The following CSNK2A2IP variants were observed in gnomAD, a reference collection of about 807,000 sequenced individuals.
CSNK2A2IP encodes casein kinase 2 subunit alpha' interacting protein, also known as casein kinase II subunit alpha'-interacting protein.
the CSNK2A2IP span, among the ~76,000 whole-genome samples, chr3:88,348,632 C>A: frequency 6.6e-6 from 1 of 151,936 alleles, no homozygotes; most frequent in African/African-American, 2.4e-5. Context: ...TTGGAAAATA[C>A]CATTTTAGGG....
the CSNK2A2IP span, among the ~76,000 whole-genome samples, chr3:88,436,082 G>A: frequency 5.9e-5 from 9 of 151,776 alleles, no homozygotes; most frequent in East Asian, 1.4e-3. Flanking sequence ...TGCAAGAGAA[G>A]GAAGAAAAGA....
At chr3:88,353,608 T>C in the CSNK2A2IP span, among the ~76,000 whole-genome samples, 54 of 152,324 alleles carry the variant, frequency 3.5e-4, no homozygotes, top group African/African-American at 1.2e-3. Flanking sequence ...AGGGGTTTTA[T>C]TGGATCTTAA....
At chr3:88,426,091 T>C in the CSNK2A2IP span, among the ~76,000 whole-genome samples, 1 of 152,178 alleles carries the variant, frequency 6.6e-6, no homozygotes, top group Non-Finnish European at 1.5e-5. Context: ...TAAGTAAAAA[T>C]AGTCTTTTCC....
the CSNK2A2IP span, among the ~76,000 whole-genome samples, chr3:88,358,762 G>A: frequency 6.6e-6 from 1 of 152,046 alleles, no homozygotes; most frequent in Non-Finnish European, 1.5e-5. Context: ...AATTTTGCAT[G>A]TGCGTTCATC....
the CSNK2A2IP span, among the ~76,000 whole-genome samples, chr3:88,396,910 T>G: frequency 6.6e-6 from 1 of 152,120 alleles, no homozygotes; most frequent in Non-Finnish European, 1.5e-5. Context: ...AAGAATTGGA[T>G]ATATTCAGGA....
the CSNK2A2IP span, among the ~76,000 whole-genome samples, chr3:88,462,233 T>C: frequency 6.6e-6 from 1 of 152,060 alleles, no homozygotes; most frequent in Admixed American, 6.6e-5. Flanking sequence ...CAACTCTTAA[T>C]GGCTACTACT....
chr3:88,342,013 T>C, the CSNK2A2IP span, among the ~76,000 whole-genome samples: 4 of 152,022 alleles, frequency 2.6e-5, no homozygotes, highest in African/African-American at 7.2e-5. Flanking sequence ...ATTGCTGACA[T>C]ATATACTAGT....
the CSNK2A2IP span, among the ~76,000 whole-genome samples, chr3:88,339,694 A>G: frequency 6.6e-6 from 1 of 152,228 alleles, no homozygotes; most frequent in African/African-American, 2.4e-5. Context: ...ATTCTGAAGA[A>G]AATTCTGAAT....
At chr3:88,432,897 T>G in the CSNK2A2IP span, among the ~76,000 whole-genome samples, 1 of 151,756 alleles carries the variant, frequency 6.6e-6, no homozygotes, top group South Asian at 2.1e-4. Flanking sequence ...TTAATACTAT[T>G]AAGAATAAGA....
chr3:88,362,011 T>C, the CSNK2A2IP span, among the ~76,000 whole-genome samples: 16 of 152,172 alleles, frequency 1.1e-4, 1 homozygote, highest in East Asian at 2.5e-3. Context: ...TATTTTGAAG[T>C]CTGTCGAGCT....
At chr3:88,457,718 A>G in the CSNK2A2IP span, among the ~76,000 whole-genome samples, 1 of 147,612 alleles carries the variant, frequency 6.8e-6, no homozygotes, top group Non-Finnish European at 1.5e-5. Flanking sequence ...AATAAAATAA[A>G]ATAAAATAAA....
At chr3:88,405,781 G>A in the CSNK2A2IP span, among the ~76,000 whole-genome samples, 1 of 152,046 alleles carries the variant, frequency 6.6e-6, no homozygotes. Context: ...ACTTTTCCCT[G>A]ATTTGTCCTA....
chr3:88,415,021 C>CCA, the CSNK2A2IP span, among the ~76,000 whole-genome samples: 2,246 of 148,740 alleles, frequency 0.015, 39 homozygotes, highest in African/African-American at 0.031. Flanking sequence ...TAAAAAAAAC[C>CCA]CACACACACA....
chr3:88,394,791 T>C, the CSNK2A2IP span, among the ~76,000 whole-genome samples: 1 of 152,240 alleles, frequency 6.6e-6, no homozygotes, highest in African/African-American at 2.4e-5. Context: ...GATTGGATTA[T>C]TTTCTTATTG....
the CSNK2A2IP span, among the ~76,000 whole-genome samples, chr3:88,365,025 G>A: frequency 6.6e-6 from 1 of 152,204 alleles, no homozygotes; most frequent in South Asian, 2.1e-4. Context: ...TTTAGATAAG[G>A]AAATTGAGGC....
chr3:88,349,220 AG>A, the CSNK2A2IP span, among the ~76,000 whole-genome samples: 1 of 151,984 alleles, frequency 6.6e-6, no homozygotes. Flanking sequence ...CTGAGATTTT[AG>A]TGCACCCCTC....
chr3:88,395,582 T>C, the CSNK2A2IP span, among the ~76,000 whole-genome samples: 29 of 152,210 alleles, frequency 1.9e-4, no homozygotes, highest in African/African-American at 6.8e-4. Flanking sequence ...ATTTCAGCTA[T>C]TTAAAATCTT....
chr3:88,352,359 T>A, the CSNK2A2IP span, among the ~76,000 whole-genome samples: 3 of 151,996 alleles, frequency 2.0e-5, no homozygotes, highest in Non-Finnish European at 4.4e-5. Flanking sequence ...TTTGAAAAAA[T>A]TGATTTTAAA....
the CSNK2A2IP span, among the ~76,000 whole-genome samples, chr3:88,346,177 G>T: frequency 1.3e-5 from 2 of 151,962 alleles, no homozygotes; most frequent in Admixed American, 6.6e-5. Context: ...AGCTGCAGAA[G>T]AAAAGTTTAA....
Sources: allele counts gnomAD v4.1 joint callset (sites outside exome capture counted in the v4.1 genomes callset), GRCh38; gene constraint gnomAD v4.1.1; transcripts MANE v1.5; gene names NCBI Gene and HGNC (gene_info 2026-07-23, HGNC 2026-07-21).